CCAR2: variants seen among roughly 807,000 people sequenced by gnomAD.
CCAR2 encodes the protein cell cycle and apoptosis regulator protein 2.
A neutral mutation model predicts 108.1 loss-of-function variants in CCAR2; 21 were observed. That is an observed-to-expected ratio of 0.19 (90% CI 0.14 to 0.28). The LOEUF (loss-of-function observed/expected upper bound fraction) is 0.28. CCAR2 is among the 10% of genes least tolerant of loss of function. The pLI, the probability that CCAR2 is intolerant of heterozygous loss-of-function variation, is 1.00. For missense variants in CCAR2, 1,126 were observed against 1,177.0 expected, an observed-to-expected ratio of 0.96 and a Z score of 0.63; for synonymous variants, 577 against 472.8, an observed-to-expected ratio of 1.22 and a Z score of -2.86.
In CCAR2 at chr8:22,619,089, C is replaced by T. The variant is rs550004541; in HGVS notation, c.2522-61C>T. ...GGGAACCTGCTGCTTAGGCTCAGGC[C>T]CTGCCCTGTGCTCTGGGCCTTGATG... On this transcript the variant is annotated intron_variant, in intron 19 of 20. Coordinates refer to ENST00000308511, the MANE Select transcript of CCAR2 (RefSeq NM_001393997.1). 20 of 1,600,486 alleles carry T rather than the reference C, an allele frequency of 1.2e-5. No homozygotes were observed. The Admixed American group carries it at 1.4e-4, about 11-fold the overall frequency.
intron 8 of CCAR2, chr8:22,613,736 T>A: frequency 4.2e-6 from 1 of 237,902 alleles, no homozygotes; most frequent in Non-Finnish European, 8.2e-6. Context: ...ATTGAGCATA[T>A]TTTCCTGGCC....
chr8:22,617,255 C>G (rs1227448403), intron 14 of CCAR2, 165 bp from the exon 15 acceptor site: 1 of 801,962 alleles, frequency 1.2e-6, no homozygotes, highest in Non-Finnish European at 1.8e-6. Context: ...CTGGCATGCT[C>G]TGAATCCCAC....
At chr8:22,612,632 A>AT (rs1393647557) in intron 7 of CCAR2, 2 of 157,030 alleles carry the variant, frequency 1.3e-5, no homozygotes, top group East Asian at 1.9e-4. Flanking sequence ...AAGAAAAATC[A>AT]TTTTTTTCTC....
rs528234609 is a variant in CCAR2 at position 22,617,240 on chromosome 8, A to T, written c.1846-180A>T. The T allele has an allele frequency of 2.8e-5, 18 of 644,842 alleles. No individual in the cohort carries two copies. The African/African-American group carries it at 3.1e-4, about 11-fold the overall frequency. The allele number at this position is 644,842 out of a possible 1,614,324, so 39.9% of individuals were successfully genotyped here. On this transcript the variant is annotated intron_variant, in intron 14 of 20. Transcript: ENST00000308511. ...AGGAAAAAAGCCCAGGTGTCTGGCG[A>T]TGCCCTGGCATGCTCTGAATCCCAC...
At chr8:22,611,227 G>A (rs189391063) in intron 7 of CCAR2, among the ~76,000 whole-genome samples, 8 of 151,770 alleles carry the variant, frequency 5.3e-5, no homozygotes, top group African/African-American at 1.7e-4. Flanking sequence ...CAGGCATGGC[G>A]GTGGGTACCT....
At position 22,614,049 on chromosome 8, in the gene CCAR2, T is replaced by G. The variant is rs748970227; in HGVS notation, c.705-43T>G. The G allele has an allele frequency of 3.2e-6, 5 of 1,544,244 alleles. No individual in the cohort carries two copies. In the Admixed American group the frequency reaches 8.8e-5, roughly 27 times the overall value. On this transcript the variant is annotated intron_variant, in intron 8 of 20. Transcript: ENST00000308511. Reference sequence around the variant, plus strand: ...CTTTGATGGTTTCATTTCGAATGTTTTAGTCTTTGCTCAGTCTGGATTCCC... The same window carrying G: ...CTTTGATGGTTTCATTTCGAATGTTGTAGTCTTTGCTCAGTCTGGATTCCC...
At chr8:22,610,537 C>G (rs1293960868) in intron 7 of CCAR2, among the ~76,000 whole-genome samples, 1 of 152,244 alleles carries the variant, frequency 6.6e-6, no homozygotes, top group Admixed American at 6.5e-5. Context: ...TAGAGGCCGA[C>G]AGCATTCCTG....
At chr8:22,616,386 TAGTA>T in intron 14 of CCAR2, 138 bp downstream of exon 14, 1 of 765,682 alleles carries the variant, frequency 1.3e-6, no homozygotes, top group Non-Finnish European at 2.2e-6. Context: ...GCCGCACAGC[TAGTA>T]AGTAGCACAC....
chr8:22,619,624 TC>T lies in CCAR2; in HGVS notation c.2728-13del. On this transcript the variant is annotated splice_polypyrimidine_tract_variant and intron_variant, in intron 20 of 20. Transcript: ENST00000308511. Reference sequence around the variant, plus strand: ...GCCAGGCCCGATTCTGGGTACATCATCTGTTTCAAACAGGCTGACAGCTGGG... The same window carrying T: ...GCCAGGCCCGATTCTGGGTACATCATTGTTTCAAACAGGCTGACAGCTGGG... 1.9e-6 allele frequency: 3 copies of T among 1,553,334 alleles called. No individual in the cohort carries two copies. The highest frequency in any genetic ancestry group is 2.6e-6 in the Non-Finnish European group (3 of 1,146,226).
chr8:22,619,849 G>A lies in CCAR2; in HGVS notation c.*167G>A. 1.5e-6 allele frequency: 1 copy of A among 674,072 alleles called. No homozygotes were observed. Among genetic ancestry groups the A allele is most frequent in the South Asian group, 1.8e-5 (1 of 55,808 alleles). The allele number at this position is 674,072 out of a possible 1,614,324, so 41.8% of individuals were successfully genotyped here. ...ACGGCAGGCCATCAGGCTGGGGGCT[G>A]TGCTATGTGGGATGGATGTGTGAGG... On this transcript the variant is annotated 3_prime_UTR_variant, in exon 21 of 21. Coordinates refer to ENST00000308511, the MANE Select transcript of CCAR2 (RefSeq NM_001393997.1).
intron 7 of CCAR2, among the ~76,000 whole-genome samples, chr8:22,612,387 C>T (rs919162241): frequency 2.6e-5 from 4 of 152,074 alleles, no homozygotes; most frequent in Admixed American, 1.3e-4. Context: ...CCTGCCTCAC[C>T]CTCCCAAGTA....
chr8:22,613,701 T>C (rs1375359963), intron 8 of CCAR2, among the ~76,000 whole-genome samples: 1 of 152,230 alleles, frequency 6.6e-6, no homozygotes, highest in East Asian at 1.9e-4. Context: ...ATAATGTGGT[T>C]TGCATTTCTT....
rs1392625276 is a variant in CCAR2 at position 22,614,766 on chromosome 8, G to A, written c.1042-72G>A. 3.8e-6 allele frequency: 6 copies of A among 1,593,528 alleles called. No homozygotes were observed. In the Admixed American group the frequency reaches 8.7e-5, roughly 23 times the overall value. ...CCGGCTGCCTTCATCCTGATGGGTGGCAGCCTTGCCCTGCAGTGGGAGACC... is the reference window on the plus strand; with the variant it reads ...CCGGCTGCCTTCATCCTGATGGGTGACAGCCTTGCCCTGCAGTGGGAGACC... On this transcript the variant is annotated intron_variant, in intron 10 of 20. Transcript: ENST00000308511.
At chr8:22,612,039 G>A (rs1375118837) in intron 7 of CCAR2, among the ~76,000 whole-genome samples, 1 of 151,200 alleles carries the variant, frequency 6.6e-6, no homozygotes, top group Non-Finnish European at 1.5e-5. Flanking sequence ...CCGCCTCCCC[G>A]GTTCAAGCGA....
chr8:22,608,194 A>C, intron 7 of CCAR2, 129 bp downstream of exon 7: 1 of 667,184 alleles, frequency 1.5e-6, no homozygotes, highest in Non-Finnish European at 2.6e-6. Context: ...TATGCTTACC[A>C]CTAACATTCT....
At chr8:22,609,042 C>CT (rs976239965) in intron 7 of CCAR2, among the ~76,000 whole-genome samples, 30 of 134,870 alleles carry the variant, frequency 2.2e-4, no homozygotes, top group East Asian at 8.3e-4. Flanking sequence ...ACCCTTAACC[C>CT]TTTTTTTTTC....
chr8:22,613,191 G>A, intron 8 of CCAR2, 55 bp downstream of exon 8: 1 of 1,488,340 alleles, frequency 6.7e-7, no homozygotes, highest in East Asian at 2.4e-5. Flanking sequence ...AGTTTCTTAT[G>A]TAAATGAGAT....
At chr8:22,606,887 C>T (rs770759373) in intron 4 of CCAR2, 23 bp from the exon 5 acceptor site, 3 of 1,610,444 alleles carry the variant, frequency 1.9e-6, no homozygotes, top group East Asian at 2.2e-5. Context: ...TCTGATGGGG[C>T]CTTCTGGCTT....
chr8:22,611,379 A>G (rs1277483202), intron 7 of CCAR2, among the ~76,000 whole-genome samples: 2 of 29,714 alleles, frequency 6.7e-5, no homozygotes, highest in African/African-American at 1.5e-4. Flanking sequence ...AAAAAAAAAA[A>G]GTATATATAT....
Sources: allele counts gnomAD v4.1 joint callset (sites outside exome capture counted in the v4.1 genomes callset), GRCh38; gene constraint gnomAD v4.1.1; transcripts MANE v1.5; gene names NCBI Gene and HGNC (gene_info 2026-07-23, HGNC 2026-07-21).